The following GABRB1 variants were observed in gnomAD, a reference collection of about 807,000 sequenced individuals.
The protein encoded by GABRB1 is gamma-aminobutyric acid type A receptor subunit beta1, also known as gamma-aminobutyric acid receptor subunit beta-1.
GABRB1 carries 17 observed loss-of-function variants against 51.6 expected under a neutral mutation model. The observed-to-expected ratio is 0.33, with a 90% confidence interval of 0.23 to 0.49. The LOEUF (loss-of-function observed/expected upper bound fraction) is 0.49, where lower values mean the gene tolerates loss of function less well. Ranked by LOEUF, GABRB1 falls within the 20% of genes least tolerant of loss-of-function variation. The probability of loss-of-function intolerance (pLI) is 0.99; values close to 1 mark genes in which losing one functional copy is unlikely to be tolerated. For synonymous variants in GABRB1, 247 were observed against 218.9 expected, an observed-to-expected ratio of 1.13 and a Z score of -1.14; for missense variants, 410 against 600.6, an observed-to-expected ratio of 0.68 and a Z score of 3.32.
chr4:47,219,894 A>G lies in GABRB1; in HGVS notation c.461+58425A>G, dbSNP rs1458042817. On this transcript the variant is annotated intron_variant, in intron 4 of 8. Transcript: ENST00000295454. ...TCAGTTCTTTCAGATTACCACATCT[A>G]CCCAAGAATTACTTGTCTTCCTTCC... 2.6e-5 allele frequency among the ~76,000 whole-genome samples: 4 copies of G among 151,900 alleles called. No individual in the cohort carries two copies. The East Asian group carries it at 5.8e-4, about 22-fold the overall frequency.
At chr4:47,049,353 G>A (rs1726242949) in intron 3 of GABRB1, among the ~76,000 whole-genome samples, 1 of 152,274 alleles carries the variant, frequency 6.6e-6, no homozygotes, top group African/African-American at 2.4e-5. Context: ...ACAACAGAAG[G>A]GGAGAAGCAT....
At chr4:47,238,862 A>G (rs1721423285) in intron 4 of GABRB1, among the ~76,000 whole-genome samples, 2 of 152,182 alleles carry the variant, frequency 1.3e-5, no homozygotes, top group South Asian at 4.1e-4. Context: ...TCTTGCTGTC[A>G]TAATTCTTTT....
At chr4:47,258,103 ACCT>A (rs1722287265) in intron 4 of GABRB1, among the ~76,000 whole-genome samples, 1 of 152,026 alleles carries the variant, frequency 6.6e-6, no homozygotes. Flanking sequence ...TGTCATGTTC[ACCT>A]CCTCTTCAGT....
At chr4:47,055,550 T>G (rs1389678032) in intron 3 of GABRB1, among the ~76,000 whole-genome samples, 1 of 152,174 alleles carries the variant, frequency 6.6e-6, no homozygotes, top group African/African-American at 2.4e-5. Context: ...TGACTTATTT[T>G]CTGCTAGTCT....
intron 4 of GABRB1, among the ~76,000 whole-genome samples, chr4:47,248,333 AT>A (rs1168807267): frequency 6.6e-6 from 1 of 152,060 alleles, no homozygotes; most frequent in Non-Finnish European, 1.5e-5. Context: ...ATTGACTTGC[AT>A]TTGTTAAACC....
intron 3 of GABRB1, among the ~76,000 whole-genome samples, chr4:47,150,999 G>T (rs1717418973): frequency 1.3e-5 from 2 of 151,828 alleles, no homozygotes; most frequent in African/African-American, 4.8e-5. Flanking sequence ...TTGGCATTTG[G>T]GCATTATAAT....
intron 4 of GABRB1, among the ~76,000 whole-genome samples, chr4:47,232,202 G>A (rs745980375): frequency 6.6e-6 from 1 of 152,022 alleles, no homozygotes; most frequent in Non-Finnish European, 1.5e-5. Flanking sequence ...TATCCTTCTG[G>A]TTGATCCTCA....
At chr4:47,292,221 G>A (rs1016258420) in intron 4 of GABRB1, among the ~76,000 whole-genome samples, 16 of 152,180 alleles carry the variant, frequency 1.1e-4, no homozygotes, top group African/African-American at 3.6e-4. Flanking sequence ...ATCTTCTCTT[G>A]TCTGCCACCA....
intron 3 of GABRB1, among the ~76,000 whole-genome samples, chr4:47,133,002 C>T (rs1716490974): frequency 6.6e-6 from 1 of 152,182 alleles, no homozygotes; most frequent in Non-Finnish European, 1.5e-5. Context: ...AAAACTGTCT[C>T]TTTTCTTTTT....
intron 5 of GABRB1, among the ~76,000 whole-genome samples, chr4:47,331,927 A>G (rs949609625): frequency 2.6e-5 from 4 of 152,218 alleles, no homozygotes; most frequent in Non-Finnish European, 4.4e-5. Flanking sequence ...TTTAGCCCTT[A>G]TAGTCTCTTG....
At chr4:47,355,711 A>AT (rs1345713446) in intron 5 of GABRB1, among the ~76,000 whole-genome samples, 1 of 152,188 alleles carries the variant, frequency 6.6e-6, no homozygotes, top group Non-Finnish European at 1.5e-5. Context: ...ATTTATAGAA[A>AT]TTGTTAGCAC....
At chr4:47,300,781 C>T (rs904153120) in intron 4 of GABRB1, among the ~76,000 whole-genome samples, 3 of 152,100 alleles carry the variant, frequency 2.0e-5, no homozygotes, top group Non-Finnish European at 4.4e-5. Context: ...AACCCAAAAA[C>T]TCATAGTCCA....
At chr4:46,995,544 T>C (rs1270909974) in intron 1 of GABRB1, among the ~76,000 whole-genome samples, 1 of 152,100 alleles carries the variant, frequency 6.6e-6, no homozygotes, top group East Asian at 1.9e-4. Flanking sequence ...TATATTTTTG[T>C]AGAGATGTGG....
At chr4:47,013,968 T>C (rs895045985) in intron 1 of GABRB1, among the ~76,000 whole-genome samples, 4 of 152,266 alleles carry the variant, frequency 2.6e-5, no homozygotes, top group Admixed American at 2.6e-4. Flanking sequence ...GTCCAAGAAA[T>C]TTTTCTCTAA....
intron 5 of GABRB1, among the ~76,000 whole-genome samples, chr4:47,388,979 T>C (rs1477768900): frequency 6.6e-6 from 1 of 152,216 alleles, no homozygotes; most frequent in African/African-American, 2.4e-5. Context: ...GAACATGTTT[T>C]CTAATGATTA....
chr4:47,318,976 G>A (rs1437550126), intron 4 of GABRB1, among the ~76,000 whole-genome samples: 1 of 152,030 alleles, frequency 6.6e-6, no homozygotes, highest in East Asian at 1.9e-4. Flanking sequence ...TTCTTAGGGA[G>A]AAAACCTCTC....
At chr4:47,043,898 T>A (rs1300168329) in intron 3 of GABRB1, among the ~76,000 whole-genome samples, 3 of 152,100 alleles carry the variant, frequency 2.0e-5, no homozygotes, top group African/African-American at 7.2e-5. Flanking sequence ...TCTTTTTATA[T>A]CAGAATGTGA....
At chr4:47,130,543 T>A (rs1452167364) in intron 3 of GABRB1, among the ~76,000 whole-genome samples, 3 of 152,140 alleles carry the variant, frequency 2.0e-5, no homozygotes, top group Non-Finnish European at 4.4e-5. Flanking sequence ...TATCCCTTAT[T>A]TTTGAGAACC....
intron 1 of GABRB1, among the ~76,000 whole-genome samples, chr4:47,006,073 A>G (rs968272207): frequency 6.6e-6 from 1 of 150,826 alleles, no homozygotes; most frequent in Non-Finnish European, 1.5e-5. Flanking sequence ...ATCAGACACT[A>G]TTTTTCTGAC....
Sources: allele counts gnomAD v4.1 joint callset (sites outside exome capture counted in the v4.1 genomes callset), GRCh38; gene constraint gnomAD v4.1.1; transcripts MANE v1.5; gene names NCBI Gene and HGNC (gene_info 2026-07-23, HGNC 2026-07-21).